MYH11: variants seen among roughly 807,000 people sequenced by gnomAD.
The protein encoded by MYH11 is myosin heavy chain 11.
Under a neutral mutation model 246.6 loss-of-function variants are expected in MYH11, and 80 were observed. The ratio of observed to expected loss-of-function variants is 0.32; its 90% CI spans 0.27 to 0.39. The LOEUF is 0.39. Among genes scored for constraint, MYH11 ranks in the 10% least tolerant of loss-of-function variants. MYH11 has a pLI of 1.00. For missense variants in MYH11, 2,158 were observed against 2,546.8 expected (o/e 0.85, Z 3.29); for synonymous variants, 1,071 against 1,015.5 (o/e 1.05, Z -1.04).
intron 2 of MYH11, among the ~76,000 whole-genome samples, chr16:15,829,857 G>C (rs190692144): frequency 6.6e-5 from 10 of 152,260 alleles, no homozygotes; most frequent in Non-Finnish European, 1.2e-4. Flanking sequence ...AGGGATGGCC[G>C]GGCGCAGTGG....
In MYH11 at chr16:15,703,363, T is replaced by C. The variant is rs563088462; in HGVS notation, c.*628A>G. 8.5e-6 allele frequency: 2 copies of C among 236,548 alleles called. No homozygotes were observed. The highest frequency in any genetic ancestry group is 1.2e-4 in the East Asian group (2 of 16,492). 14.7% of individuals were successfully genotyped at this position (236,548 alleles called of 1,614,324 possible). A position where few individuals can be genotyped will look rare whatever the true frequency, so the allele number is the denominator to read the frequency against. ...TTGGAAAGGTTTGCAGGTTAGGGAA[T>C]GAATTGGGAGTGGGGGCCGGCGGCA... On this transcript the variant is annotated 3_prime_UTR_variant, in exon 41 of 41. Coordinates refer to ENST00000300036, the MANE Select transcript of MYH11 (RefSeq NM_002474.3).
chr16:15,716,805 C>T (rs559309236), intron 38 of MYH11, among the ~76,000 whole-genome samples: 57 of 152,302 alleles, frequency 3.7e-4, no homozygotes, highest in African/African-American at 1.3e-3. Flanking sequence ...TGAGCCACCA[C>T]GTCCAGCCTG....
intron 3 of MYH11, among the ~76,000 whole-genome samples, chr16:15,804,519 C>T (rs150715144): frequency 0.011 from 1,695 of 151,862 alleles, 36 homozygotes; most frequent in African/African-American, 0.039. Context: ...GAGACTCCAT[C>T]TCAAAAAATA....
intron 2 of MYH11, among the ~76,000 whole-genome samples, chr16:15,825,386 C>CAAAAAAA (rs1212947132): frequency 6.6e-5 from 4 of 60,994 alleles, no homozygotes; most frequent in African/African-American, 1.9e-4. Flanking sequence ...CCCCTCTCTA[C>CAAAAAAA]AAAAAAAAAA....
chr16:15,853,127 T>C (rs2044370819), intron 1 of MYH11, among the ~76,000 whole-genome samples: 1 of 152,094 alleles, frequency 6.6e-6, no homozygotes, highest in South Asian at 2.1e-4. Flanking sequence ...TTTTTCAGCC[T>C]GGTACAGTAA....
intron 25 of MYH11, among the ~76,000 whole-genome samples, chr16:15,736,477 C>G (rs2041121065): frequency 1.3e-5 from 2 of 152,112 alleles, no homozygotes; most frequent in Non-Finnish European, 2.9e-5. Context: ...CAGGGTCTTG[C>G]TATGTTGCCC....
intron 14 of MYH11, among the ~76,000 whole-genome samples, chr16:15,754,606 G>A (rs1416873684): frequency 1.3e-5 from 2 of 152,184 alleles, no homozygotes; most frequent in Non-Finnish European, 2.9e-5. Context: ...GAAACTTTTG[G>A]TGAAGGCCCA....
chr16:15,716,727 C>A (rs575957274), intron 38 of MYH11, among the ~76,000 whole-genome samples: 1 of 152,134 alleles, frequency 6.6e-6, no homozygotes, highest in Non-Finnish European at 1.5e-5. Flanking sequence ...TTGGCCAGGC[C>A]GGTCTCAAAC....
chr16:15,721,648 C>T lies in MYH11; in HGVS notation c.4366-14G>A, dbSNP rs1326060694. ...CTCGGCTAACAACTACAACACAAGACCCAGAGGTGACTTCTAGGCATATCC... is the reference window on the plus strand; with the variant it reads ...CTCGGCTAACAACTACAACACAAGATCCAGAGGTGACTTCTAGGCATATCC... On this transcript the variant is annotated splice_polypyrimidine_tract_variant and intron_variant, in intron 31 of 40. Transcript: ENST00000300036. The T allele has an allele frequency of 6.2e-7, 1 of 1,614,014 alleles. No homozygotes were observed. Among genetic ancestry groups the T allele is most frequent in the South Asian group, 1.1e-5 (1 of 91,086 alleles).
chr16:15,837,527 C>G (rs762836076), intron 2 of MYH11, among the ~76,000 whole-genome samples: 3 of 132,740 alleles, frequency 2.3e-5, no homozygotes, highest in Non-Finnish European at 4.6e-5. Flanking sequence ...AAACCTTCAG[C>G]CTCCCATTTC....
At chr16:15,811,081 G>T (rs985215072) in intron 3 of MYH11, among the ~76,000 whole-genome samples, 3 of 152,128 alleles carry the variant, frequency 2.0e-5, no homozygotes, top group African/African-American at 7.2e-5. Context: ...GATCATGGGG[G>T]TTCAATCCTC....
chr16:15,780,035 G>A lies in MYH11; in HGVS notation c.727-1192C>T, dbSNP rs190847644. On this transcript the variant is annotated intron_variant, in intron 6 of 40. Coordinates refer to ENST00000300036, the MANE Select transcript of MYH11 (RefSeq NM_002474.3). ...ATCCCAGATGGAGCCAGGGAGAGCC[G>A]GCTGGTCACAGGCAAGGCCCAGGCA... is the stretch of plus-strand genomic sequence containing the variant. Among the ~76,000 whole-genome samples, 37 of 152,328 alleles carry A rather than the reference G, an allele frequency of 2.4e-4. No individual in the cohort carries two copies. The East Asian group carries it at 3.1e-3, about 13-fold the overall frequency.
At chr16:15,730,398 C>T (rs577808499) in intron 27 of MYH11, among the ~76,000 whole-genome samples, 55 of 149,558 alleles carry the variant, frequency 3.7e-4, no homozygotes, top group South Asian at 8.4e-4. Flanking sequence ...AAAAATTAGC[C>T]GGGCATGGTG....
intron 20 of MYH11, chr16:15,742,262 C>T (rs182659435): frequency 3.1e-6 from 1 of 323,980 alleles, no homozygotes; most frequent in African/African-American, 2.1e-5. Flanking sequence ...CAGAGAACTA[C>T]TGCTGAAAAG....
chr16:15,720,198 C>T lies in MYH11; in HGVS notation c.4906G>A (p.Ala1636Thr), dbSNP rs376331652. ...LKDLELQADS[A>T]IKGREEAIKQ... ...ATGGCTTCCTCCCTCCCCTTGATGG[C>T]AGAGTCGGCCTGAAGCTCCAGGTCT... The change falls in exon 34 of 41, where the codon GCC becomes ACC. Residue 1636 changes from alanine to threonine, a missense_variant. Ala to Thr is a moderately conservative substitution (Grantham distance 58, BLOSUM62 0). Around this residue, in one of 11 missense-constraint regions of MYH11, gnomAD observed 1,013 missense variants for 993.5 expected, o/e 1.02. Coordinates refer to ENST00000300036, the MANE Select transcript of MYH11 (RefSeq NM_002474.3). The T allele has an allele frequency of 2.5e-6, 4 of 1,614,156 alleles. No individual in the cohort carries two copies. The highest frequency in any genetic ancestry group is 1.6e-4 in the Middle Eastern group (1 of 6,062).
chr16:15,769,430 G>A (rs1479060408), intron 9 of MYH11, among the ~76,000 whole-genome samples: 3 of 152,264 alleles, frequency 2.0e-5, no homozygotes, highest in African/African-American at 4.8e-5. Context: ...AGCCTGCAAG[G>A]CAGAGATTGC....
At chr16:15,840,009 C>T (rs187053943) in intron 1 of MYH11, among the ~76,000 whole-genome samples, 1 of 152,136 alleles carries the variant, frequency 6.6e-6, no homozygotes, top group East Asian at 1.9e-4. Flanking sequence ...CGAGACTGCA[C>T]CATTGCACTC....
Position 15,850,236 on chromosome 16 carries a change from A to T in MYH11, c.-18+6705T>A, listed in dbSNP as rs766092880. On this transcript the variant is annotated intron_variant, in intron 1 of 40. Transcript: ENST00000300036. The stretch of plus-strand genomic sequence containing the variant: ...CCCGTCTCTACTAAAAATACAAAAA[A>T]TAGCCAGGTGTGGTGGTGGGCGCCT... 4.5e-4 allele frequency among the ~76,000 whole-genome samples: 69 copies of T among 151,842 alleles called. 1 individual carries two copies. The highest frequency in any genetic ancestry group is 3.4e-3 in the Middle Eastern group (1 of 290).
At chr16:15,720,376 G>C in intron 33 of MYH11, 64 bp from the exon 34 acceptor site, 1 of 1,562,382 alleles carries the variant, frequency 6.4e-7, no homozygotes, top group Non-Finnish European at 8.7e-7. Context: ...GGCTCACCTA[G>C]GCAGCACATC....
Sources: allele counts gnomAD v4.1 joint callset (sites outside exome capture counted in the v4.1 genomes callset), GRCh38; gene constraint gnomAD v4.1.1; regional missense constraint gnomAD v4.1.1; transcripts MANE v1.5; gene names NCBI Gene and HGNC (gene_info 2026-07-23, HGNC 2026-07-21).